The following ARK2N variants were observed in gnomAD, a reference collection of about 807,000 sequenced individuals.
ARK2N encodes the protein protein ARK2N.
the ARK2N span, among the ~76,000 whole-genome samples, chr18:46,194,615 A>G: frequency 4.0e-5 from 6 of 151,224 alleles, no homozygotes; most frequent in East Asian, 3.9e-4. Flanking sequence ...CTGGGACTAC[A>G]GGCGTGTGCC....
the ARK2N span, among the ~76,000 whole-genome samples, chr18:46,234,554 C>CTTT: frequency 6.8e-6 from 1 of 147,640 alleles, no homozygotes. Context: ...AATAAAACTG[C>CTTT]TTTTTTTTTT....
the ARK2N span, among the ~76,000 whole-genome samples, chr18:46,259,772 CTGTGTGTGTGTGTGTGTGTGTGTG>C: frequency 9.5e-6 from 1 of 104,798 alleles, no homozygotes; most frequent in East Asian, 2.9e-4. Flanking sequence ...CACCCAGCTA[CTGTGTGTGTGTGTGTGTGTGTGTG>C]TGTGTGTGTG....
At chr18:46,255,434 T>TCTTTG in the ARK2N span, among the ~76,000 whole-genome samples, 660 of 125,398 alleles carry the variant, frequency 5.3e-3, 5 homozygotes, top group African/African-American at 0.02. Context: ...TCTTTGCTTT[T>TCTTTG]CTTTTCTTTT....
the ARK2N span, chr18:46,216,629 C>G: frequency 6.5e-7 from 1 of 1,532,072 alleles, no homozygotes; most frequent in Non-Finnish European, 8.8e-7. The surrounding 1 kb of genome is among the most constrained non-coding windows in gnomAD (Gnocchi z 4.3). Context: ...CTGTAAAGTA[C>G]CTGATGGCAT....
chr18:46,237,667 C>T, the ARK2N span, among the ~76,000 whole-genome samples: 14 of 152,270 alleles, frequency 9.2e-5, no homozygotes, highest in South Asian at 1.5e-3. Context: ...GGATTACAGG[C>T]GTGAGCCAGC....
chr18:46,178,065 G>C, the ARK2N span, among the ~76,000 whole-genome samples: 3 of 152,142 alleles, frequency 2.0e-5, no homozygotes, highest in South Asian at 2.1e-4. Context: ...CCTGAGGTTC[G>C]AGTTGGATTT....
At chr18:46,189,094 A>C in the ARK2N span, among the ~76,000 whole-genome samples, 1 of 152,032 alleles carries the variant, frequency 6.6e-6, no homozygotes, top group African/African-American at 2.4e-5. Context: ...CGGTGCCTCT[A>C]ATACCAGCTA....
chr18:46,211,028 C>T, the ARK2N span, among the ~76,000 whole-genome samples: 2 of 151,886 alleles, frequency 1.3e-5, no homozygotes, highest in Non-Finnish European at 1.5e-5. Context: ...AAGGACTAAC[C>T]AGAAGAATAG....
the ARK2N span, among the ~76,000 whole-genome samples, chr18:46,259,814 T>TGTGTGTGTGTG: frequency 3.1e-4 from 7 of 22,770 alleles, no homozygotes; most frequent in Admixed American, 4.6e-4. Flanking sequence ...GTGTGTGTGT[T>TGTGTGTGTGTG]TGACAGAGAT....
chr18:46,242,862 T>C, the ARK2N span, among the ~76,000 whole-genome samples: 1 of 152,228 alleles, frequency 6.6e-6, no homozygotes, highest in African/African-American at 2.4e-5. Context: ...GTTGGACATT[T>C]AGGGTGCTAT....
the ARK2N span, among the ~76,000 whole-genome samples, chr18:46,238,348 C>T: frequency 3.3e-5 from 5 of 152,192 alleles, no homozygotes; most frequent in Non-Finnish European, 7.4e-5. Context: ...CTTATATCTT[C>T]TGTATCCAAG....
the ARK2N span, among the ~76,000 whole-genome samples, chr18:46,197,112 T>C: frequency 1.3e-5 from 2 of 152,332 alleles, no homozygotes; most frequent in East Asian, 3.9e-4. Flanking sequence ...AAGGTCACCC[T>C]TTTGAAGGGA....
chr18:46,201,137 T>G, the ARK2N span, among the ~76,000 whole-genome samples: 1 of 151,870 alleles, frequency 6.6e-6, no homozygotes, highest in African/African-American at 2.4e-5. Flanking sequence ...TGCCACCATG[T>G]CCTGCTAATT....
At chr18:46,214,936 G>T in the ARK2N span, among the ~76,000 whole-genome samples, 1 of 152,184 alleles carries the variant, frequency 6.6e-6, no homozygotes, top group South Asian at 2.1e-4. Flanking sequence ...CTATTGAGGG[G>T]ACTGCAGACA....
the ARK2N span, among the ~76,000 whole-genome samples, chr18:46,187,292 GAACA>G: frequency 6.7e-6 from 1 of 149,412 alleles, no homozygotes; most frequent in African/African-American, 2.4e-5. Context: ...ATGAAAAAAC[GAACA>G]AACAAAAAAT....
the ARK2N span, among the ~76,000 whole-genome samples, chr18:46,237,218 T>C: frequency 1.3e-5 from 2 of 152,030 alleles, no homozygotes; most frequent in Admixed American, 1.3e-4. Context: ...GATTTTTTTT[T>C]CCCTTCAAGA....
chr18:46,175,644 G>C, the ARK2N span, among the ~76,000 whole-genome samples: 1 of 151,176 alleles, frequency 6.6e-6, no homozygotes, highest in African/African-American at 2.4e-5. Flanking sequence ...CTGGGATTAC[G>C]GGCACGCGCC....
At chr18:46,177,326 C>T in the ARK2N span, among the ~76,000 whole-genome samples, 2 of 151,852 alleles carry the variant, frequency 1.3e-5, no homozygotes, top group East Asian at 1.9e-4. Context: ...GAGGCTGAGA[C>T]GGGAGGATCA....
At chr18:46,177,431 CTTTTTTT>C in the ARK2N span, among the ~76,000 whole-genome samples, 14 of 89,324 alleles carry the variant, frequency 1.6e-4, no homozygotes, top group East Asian at 4.0e-3. Context: ...TTTTTCTTTA[CTTTTTTT>C]TTTTTTTTTT....
Sources: gnomAD v4.1 joint callset for allele counts (sites outside exome capture counted in the v4.1 genomes callset) on GRCh38, gnomAD v4.1.1 for gene constraint, Gnocchi (gnomAD v3.1) non-coding constraint, MANE v1.5 for transcripts, NCBI Gene and HGNC (gene_info 2026-07-23, HGNC 2026-07-21) for gene names.